LSP1: variants seen among roughly 807,000 people sequenced by gnomAD.
LSP1 encodes the protein lymphocyte-specific protein 1.
A neutral mutation model predicts 49.3 loss-of-function variants in LSP1; 32 were observed. The observed-to-expected ratio is 0.65, with a 90% CI of 0.49 to 0.87. LSP1 has a LOEUF of 0.87. Among genes scored for constraint, LSP1 ranks in the 40% least tolerant of loss-of-function variants. The probability of loss-of-function intolerance (pLI) is 0.00; values close to 1 mark genes in which losing one functional copy is unlikely to be tolerated. For synonymous variants in LSP1, 179 were observed against 178.8 expected (o/e 1.00, Z -0.01); for missense variants, 428 against 442.6 (o/e 0.97, Z 0.30).
At chr11:1,866,539 C>T (rs530862911) in intron 1 of LSP1, 1 of 1,539,284 alleles carries the variant, frequency 6.5e-7, no homozygotes, top group Non-Finnish European at 8.8e-7. Flanking sequence ...GGACCAGCAC[C>T]AGGATCTGCA....
intron 1 of LSP1, chr11:1,870,478 G>A (rs1158720559): frequency 2.5e-6 from 3 of 1,197,166 alleles, no homozygotes; most frequent in South Asian, 1.6e-5. Context: ...TCGGGGAGGG[G>A]CCGGTGGCCA....
intron 1 of LSP1, among the ~76,000 whole-genome samples, chr11:1,861,414 T>G (rs897328472): frequency 6.6e-6 from 1 of 152,212 alleles, no homozygotes; most frequent in East Asian, 1.9e-4. Context: ...GTGTCTGAAT[T>G]CAGTACAGAT....
Position 1,884,095 on chromosome 11 carries a change from T to C in LSP1, c.591+71T>C. ...TCATACCCAAAAGGCCAATCCCACA[T>C]GCCAGCCACAGGAAGACCAGGCCCA... is the stretch of plus-strand genomic sequence containing the variant. On this transcript the variant is annotated intron_variant, in intron 5 of 10. Transcript: ENST00000311604. This position sits in a 1 kb window ranked among gnomAD's most constrained non-coding sequence, Gnocchi z 4.1. 1 of 1,506,482 alleles carries C rather than the reference T, an allele frequency of 6.6e-7. No homozygotes were observed. The highest frequency in any genetic ancestry group is 9.1e-7 in the Non-Finnish European group (1 of 1,096,392). The allele number at this position is 1,506,482 out of a possible 1,614,324, so 93.3% of individuals were successfully genotyped here.
intron 7 of LSP1, among the ~76,000 whole-genome samples, chr11:1,886,292 A>G (rs969997549): frequency 2.6e-5 from 4 of 152,014 alleles, no homozygotes; most frequent in Non-Finnish European, 4.4e-5. Context: ...ACACTCCCTC[A>G]TATAATCAGT....
chr11:1,865,237 C>T, intron 1 of LSP1: 2 of 985,496 alleles, frequency 2.0e-6, no homozygotes, highest in Non-Finnish European at 2.4e-6. Context: ...GGAACTCTAG[C>T]AGACAGGGCC....
In LSP1 at chr11:1,887,461, C is replaced by T. The variant is rs1848804066; in HGVS notation, c.931-13C>T. 1 of 1,612,682 alleles carries T rather than the reference C, an allele frequency of 6.2e-7. No homozygotes were observed. Among genetic ancestry groups the T allele is most frequent in the South Asian group, 1.1e-5 (1 of 91,034 alleles). On this transcript the variant is annotated splice_polypyrimidine_tract_variant and intron_variant, in intron 9 of 10. Transcript: ENST00000311604. ...CTGCTCTCACCTTCACTCTTGGTCT[C>T]CTTTCCCAACAGAGCACCCCATCTG...
intron 1 of LSP1, among the ~76,000 whole-genome samples, chr11:1,871,868 C>A (rs1269299059): frequency 7.1e-6 from 1 of 141,468 alleles, no homozygotes; most frequent in Non-Finnish European, 1.5e-5. Flanking sequence ...CTGTAGTCAC[C>A]CTGGCGCACG....
intron 1 of LSP1, chr11:1,869,220 T>G: frequency 8.9e-6 from 2 of 224,926 alleles, no homozygotes; most frequent in African/African-American, 2.3e-5. Flanking sequence ...CGAGCTGAGG[T>G]GGTGCTTGCG....
At chr11:1,875,574 C>T (rs1412959653) in intron 1 of LSP1, among the ~76,000 whole-genome samples, 6 of 152,252 alleles carry the variant, frequency 3.9e-5, no homozygotes, top group African/African-American at 7.2e-5. Context: ...GCTCATCACT[C>T]GGCCTCCCCA....
At chr11:1,855,502 C>T (rs1174071911) in intron 1 of LSP1, among the ~76,000 whole-genome samples, 1 of 152,218 alleles carries the variant, frequency 6.6e-6, no homozygotes, top group Non-Finnish European at 1.5e-5. Flanking sequence ...GATGTGGCCC[C>T]TCCCCTCAGA....
At chr11:1,858,434 G>A (rs1847542452) in intron 1 of LSP1, among the ~76,000 whole-genome samples, 1 of 152,230 alleles carries the variant, frequency 6.6e-6, no homozygotes, top group Non-Finnish European at 1.5e-5. Flanking sequence ...GGCGCTGCAG[G>A]ACCAGCAAGG....
chr11:1,868,728 C>T, intron 1 of LSP1: 1 of 985,808 alleles, frequency 1.0e-6, no homozygotes, highest in Non-Finnish European at 1.2e-6. Context: ...CCAGGCGAGC[C>T]AGCAGCAGGG....
At chr11:1,873,399 T>C (rs1457077477) in intron 1 of LSP1, among the ~76,000 whole-genome samples, 1 of 151,724 alleles carries the variant, frequency 6.6e-6, no homozygotes, top group Non-Finnish European at 1.5e-5. Context: ...AGCGCTGGTT[T>C]CTTGGCAACT....
chr11:1,890,315 G>A (rs1025526879), intron 10 of LSP1: 16 of 711,440 alleles, frequency 2.2e-5, no homozygotes, highest in Non-Finnish European at 3.9e-5. Flanking sequence ...GTGGGGCTTC[G>A]GCGGGGTGCG....
chr11:1,884,366 G>C lies in LSP1; in HGVS notation c.635+43G>C, dbSNP rs1364832409. 1 of 1,613,488 alleles carries C rather than the reference G, an allele frequency of 6.2e-7. No homozygotes were observed. ...TCTGCTTTCTGGGCTCAGATCTTAG[G>C]TTTAACCAAGTGGGGGTTGAAGGGA... On this transcript the variant is annotated intron_variant, in intron 6 of 10. Transcript: ENST00000311604. This position sits in a 1 kb window ranked among gnomAD's most constrained non-coding sequence, Gnocchi z 4.1.
rs766651093 is a variant in LSP1, at chr11:1,884,505, G to C, written c.641G>C (p.Ser214Thr). The C allele has an allele frequency of 6.2e-7, 1 of 1,613,636 alleles. No homozygotes were observed. The highest frequency in any genetic ancestry group is 1.7e-5 in the Admixed American group (1 of 59,982). The change falls in exon 7 of 11, where the codon AGT becomes ACT. Residue 214 changes from serine (S) to threonine (T), a missense_variant. By Grantham distance (58) the Ser-to-Thr change is moderately conservative. Transcript: ENST00000311604. This position sits in a 1 kb window ranked among gnomAD's most constrained non-coding sequence, Gnocchi z 4.1. The stretch of plus-strand genomic sequence containing the variant: ...ACACATCTTCTACCCTCCAGTAACA[G>C]TGTGAAGAAATCCCAGCCAGACTTG... ...SLNRSIEKSN[S>T]VKKSQPDLPI...
At chr11:1,866,663 A>G in intron 1 of LSP1, 2 of 1,550,424 alleles carry the variant, frequency 1.3e-6, no homozygotes, top group African/African-American at 1.4e-5. Context: ...TCCCTGCCCA[A>G]CGGGAATGTG....
At chr11:1,864,025 A>C in intron 1 of LSP1, 1 of 199,304 alleles carries the variant, frequency 5.0e-6, no homozygotes, top group Non-Finnish European at 8.7e-6. Flanking sequence ...GAACAAAGGG[A>C]AAGTGGAGAA....
At chr11:1,863,824 A>C (rs2133065173) in intron 1 of LSP1, among the ~76,000 whole-genome samples, 1 of 152,262 alleles carries the variant, frequency 6.6e-6, no homozygotes, top group Admixed American at 6.5e-5. Context: ...ACCTCTTGGG[A>C]CCATGCTGTG....
Sources: gnomAD v4.1 joint callset for allele counts (sites outside exome capture counted in the v4.1 genomes callset) on GRCh38, gnomAD v4.1.1 for gene constraint, Gnocchi (gnomAD v3.1) non-coding constraint, MANE v1.5 for transcripts, NCBI Gene and HGNC (gene_info 2026-07-23, HGNC 2026-07-21) for gene names.